CTNNA3: variants seen among roughly 807,000 people sequenced by gnomAD.
CTNNA3 encodes the protein catenin alpha 3, also known as catenin alpha-3.
A neutral mutation model predicts 95.7 loss-of-function variants in CTNNA3; 76 were observed. The observed-to-expected ratio is 0.79, with a 90% CI of 0.66 to 0.96. The LOEUF (loss-of-function observed/expected upper bound fraction) is 0.96. CTNNA3 is among the 40% of genes least tolerant of loss of function. CTNNA3 has a pLI of 0.00. For synonymous variants in CTNNA3, 431 were observed against 374.4 expected, an observed-to-expected ratio of 1.15 and a Z score of -1.74; for missense variants, 1,191 against 1,089.8, an observed-to-expected ratio of 1.09 and a Z score of -1.31.
intron 7 of CTNNA3, among the ~76,000 whole-genome samples, chr10:66,845,607 G>A (rs958215660): frequency 7.4e-5 from 11 of 149,236 alleles, no homozygotes; most frequent in African/African-American, 2.5e-4. Context: ...GGAGGCTGAG[G>A]CAGGAGAATC....
In CTNNA3 at chr10:67,687,887, C is replaced by G. The variant is rs181764174; in HGVS notation, c.-6+8113G>C. Among the ~76,000 whole-genome samples, 4 of 152,248 alleles carry G rather than the reference C, an allele frequency of 2.6e-5. No homozygotes were observed. In the East Asian group the frequency reaches 7.7e-4, roughly 29 times the overall value. On this transcript the variant is annotated intron_variant, in intron 1 of 17. Transcript: ENST00000433211. Reference sequence around the variant, plus strand: ...CACAGGTCAACAGATGTTTGCAACTCCAGTCCCCATGATCTGAGTCGAGGT... The same window carrying G: ...CACAGGTCAACAGATGTTTGCAACTGCAGTCCCCATGATCTGAGTCGAGGT...
chr10:67,236,314 T>C (rs1865453773), intron 5 of CTNNA3, among the ~76,000 whole-genome samples: 1 of 151,098 alleles, frequency 6.6e-6, no homozygotes, highest in South Asian at 2.1e-4. Flanking sequence ...ATATACACCA[T>C]GGAATACTAT....
At position 66,444,403 on chromosome 10, in the gene CTNNA3, A is replaced by T. The variant is rs1177708798; in HGVS notation, c.1532-65051T>A. On this transcript the variant is annotated intron_variant, in intron 11 of 17. Coordinates refer to ENST00000433211, the MANE Select transcript of CTNNA3 (RefSeq NM_013266.4). ...TCACCAAAGTTGAAATGAAGGAAAA[A>T]ATGGTAAGGGCAGCCAGAGAGAAAG... 2.6e-5 allele frequency among the ~76,000 whole-genome samples: 4 copies of T among 152,158 alleles called. No individual in the cohort carries two copies. In the East Asian group the frequency reaches 7.7e-4, roughly 29 times the overall value.
chr10:67,660,484 A>G (rs1840147333), intron 1 of CTNNA3, among the ~76,000 whole-genome samples: 2 of 152,172 alleles, frequency 1.3e-5, no homozygotes. Flanking sequence ...GCAAAAAAAG[A>G]AAAGATGGAA....
In CTNNA3 at chr10:67,073,388, A is replaced by G. The variant is rs189382413; in HGVS notation, c.1047+106929T>C. On this transcript the variant is annotated intron_variant, in intron 7 of 17. Coordinates refer to ENST00000433211, the MANE Select transcript of CTNNA3 (RefSeq NM_013266.4). ...TATTGCTTTTTTTCATCTATTTAAG[A>G]TTATCTCCCTTAAATATGTTTTTCC... 1.2e-4 allele frequency among the ~76,000 whole-genome samples: 18 copies of G among 152,296 alleles called. 1 individual carries two copies. The highest frequency in any genetic ancestry group is 9.8e-4 in the Admixed American group (15 of 15,306).
At chr10:67,242,617 A>G (rs1042575337) in intron 5 of CTNNA3, among the ~76,000 whole-genome samples, 7 of 152,202 alleles carry the variant, frequency 4.6e-5, no homozygotes, top group African/African-American at 1.7e-4. Flanking sequence ...AATCTAATAT[A>G]CTAGCACAGA....
At chr10:66,532,203 C>A (rs1430766405) in intron 10 of CTNNA3, among the ~76,000 whole-genome samples, 1 of 152,138 alleles carries the variant, frequency 6.6e-6, no homozygotes, top group African/African-American at 2.4e-5. Flanking sequence ...TGGCTCACAC[C>A]TGTAATCCCA....
At chr10:67,369,246 G>GA (rs1843326870) in intron 5 of CTNNA3, among the ~76,000 whole-genome samples, 1 of 152,056 alleles carries the variant, frequency 6.6e-6, no homozygotes, top group South Asian at 2.1e-4. Context: ...TGCATTCTGT[G>GA]AAAAAAGTGA....
At chr10:66,551,590 CTTTTGATATT>C (rs1483742235) in intron 10 of CTNNA3, among the ~76,000 whole-genome samples, 1 of 152,030 alleles carries the variant, frequency 6.6e-6, no homozygotes, top group Non-Finnish European at 1.5e-5. Context: ...TTAGTAATTC[CTTTTGATATT>C]GTCTTATAAA....
chr10:67,291,417 T>C (rs966403917), intron 5 of CTNNA3, among the ~76,000 whole-genome samples: 2 of 152,208 alleles, frequency 1.3e-5, no homozygotes, highest in East Asian at 1.9e-4. Flanking sequence ...ACTGATTTTC[T>C]ATAGGTCTCC....
chr10:66,697,637 TA>T lies in CTNNA3; in HGVS notation c.1281+68626del, dbSNP rs140442134. 2.7e-3 allele frequency among the ~76,000 whole-genome samples: 411 copies of T among 152,270 alleles called. 13 individuals are homozygous for T. The East Asian group carries it at 0.055, about 20-fold the overall frequency. The stretch of plus-strand genomic sequence containing the variant: ...CAATACTTCAGATGATCACAAGCTT[TA>T]AAAATGCTCAATGTGCTCGTCTATG... On this transcript the variant is annotated intron_variant, in intron 9 of 17. Transcript: ENST00000433211.
At chr10:66,719,081 A>C (rs914860445) in intron 9 of CTNNA3, among the ~76,000 whole-genome samples, 1 of 152,142 alleles carries the variant, frequency 6.6e-6, no homozygotes, top group Non-Finnish European at 1.5e-5. Context: ...ATGCTGTGCA[A>C]AGATCTTTGC....
At chr10:66,912,327 C>A (rs1388742809) in intron 7 of CTNNA3, among the ~76,000 whole-genome samples, 3 of 151,734 alleles carry the variant, frequency 2.0e-5, no homozygotes, top group Non-Finnish European at 4.4e-5. Flanking sequence ...TATTCCAAAG[C>A]ATAAATGATA....
chr10:67,091,309 A>G (rs1857618330), intron 7 of CTNNA3, among the ~76,000 whole-genome samples: 1 of 152,020 alleles, frequency 6.6e-6, no homozygotes, highest in Non-Finnish European at 1.5e-5. Context: ...CTTTAAGTAA[A>G]TTGAGAATTT....
intron 7 of CTNNA3, among the ~76,000 whole-genome samples, chr10:66,807,370 G>A (rs1338179874): frequency 2.0e-5 from 3 of 152,230 alleles, no homozygotes; most frequent in African/African-American, 4.8e-5. Flanking sequence ...AGTGACGTAT[G>A]TTGAAGCATG....
intron 6 of CTNNA3, among the ~76,000 whole-genome samples, chr10:67,191,101 A>G (rs1315896224): frequency 6.6e-6 from 1 of 152,108 alleles, no homozygotes; most frequent in African/African-American, 2.4e-5. Flanking sequence ...GCTGGCAAGA[A>G]TGTGGAGTAA....
chr10:66,381,406 T>G (rs527466350), intron 11 of CTNNA3, among the ~76,000 whole-genome samples: 1 of 152,348 alleles, frequency 6.6e-6, no homozygotes, highest in Admixed American at 6.5e-5. Context: ...TTAGAGATTC[T>G]ACCTGTGTTT....
chr10:66,999,681 T>C (rs1287831681), intron 7 of CTNNA3, among the ~76,000 whole-genome samples: 1 of 152,130 alleles, frequency 6.6e-6, no homozygotes, highest in Non-Finnish European at 1.5e-5. Flanking sequence ...TTAACTTAGA[T>C]AGAAAGTAGA....
intron 16 of CTNNA3, among the ~76,000 whole-genome samples, chr10:65,968,511 C>T (rs1219062484): frequency 1.3e-5 from 2 of 152,216 alleles, no homozygotes; most frequent in South Asian, 2.1e-4. Flanking sequence ...TCTCCAGGCA[C>T]TCAGAGTACC....
Sources: allele counts gnomAD v4.1 joint callset (sites outside exome capture counted in the v4.1 genomes callset), GRCh38; gene constraint gnomAD v4.1.1; transcripts MANE v1.5; gene names NCBI Gene and HGNC (gene_info 2026-07-23, HGNC 2026-07-21).